PCDHAC2: variants seen among roughly 807,000 people sequenced by gnomAD.
PCDHAC2 encodes the protein protocadherin alpha-C2.
In PCDHAC2, 24 loss-of-function variants were observed where a neutral mutation model predicts 63.3. That is an observed-to-expected ratio of 0.38 (90% CI 0.27 to 0.53). PCDHAC2 has a LOEUF of 0.53. PCDHAC2 is among the 20% of genes least tolerant of loss of function. The pLI is 0.81. For synonymous variants in PCDHAC2, 569 were observed against 529.4 expected (o/e 1.07, Z -1.03); for missense variants, 1,181 against 1,275.2 (o/e 0.93, Z 1.12).
Position 141,011,486 on chromosome 5 carries a change from T to C in PCDHAC2, c.*1549T>C, listed in dbSNP as rs887081256. ...GAATGTAATTCCATTATATTTCCTT[T>C]TGTACACCTGTGAAAAAGTGGAGTA... is the stretch of plus-strand genomic sequence containing the variant. On this transcript the variant is annotated 3_prime_UTR_variant, in exon 4 of 4. Coordinates refer to ENST00000289269, the MANE Select transcript of PCDHAC2 (RefSeq NM_018899.6). 15 of 153,928 alleles carry C rather than the reference T, an allele frequency of 9.7e-5. No homozygotes were observed. Among genetic ancestry groups the C allele is most frequent in the African/African-American group, 2.9e-4 (12 of 41,596 alleles). The allele number at this position is 153,928 out of a possible 1,614,324, so 9.5% of individuals were successfully genotyped here.
chr5:140,971,698 A>G (rs969936167), intron 1 of PCDHAC2, among the ~76,000 whole-genome samples: 16 of 151,980 alleles, frequency 1.1e-4, no homozygotes, highest in Non-Finnish European at 2.2e-4. Context: ...CTCACTAACC[A>G]CCCTGCTATA....
In PCDHAC2 at chr5:140,967,001, A is replaced by T. The variant is rs1048933252; in HGVS notation, c.235A>T (p.Ile79Phe). The T allele has an allele frequency of 3.1e-6, 5 of 1,605,060 alleles. No homozygotes were observed. The South Asian group carries it at 5.5e-5, about 18-fold the overall frequency. ...LRRLGPGCLRINHLGAPSPRY... is the reference protein window; with the variant it reads ...LRRLGPGCLRFNHLGAPSPRY... The stretch of plus-strand genomic sequence containing the variant: ...GCGCTTGGGGCCGGGTTGCTTGCGC[A>T]TCAACCATCTGGGTGCGCCCAGTCC... The change falls in exon 1 of 4, where the codon ATC becomes TTC. Residue 79 changes from isoleucine to phenylalanine, a missense_variant. Physicochemically the swap from Ile to Phe is conservative, Grantham distance 21 (BLOSUM62 0). Around this residue, in one of 3 missense-constraint regions of PCDHAC2, gnomAD observed 210 missense variants for 184.9 expected, o/e 1.14. Transcript: ENST00000289269.
intron 3 of PCDHAC2, among the ~76,000 whole-genome samples, chr5:141,002,059 G>T (rs983772482): frequency 6.6e-6 from 1 of 152,242 alleles, no homozygotes; most frequent in East Asian, 1.9e-4. Flanking sequence ...AGAGGCAGCA[G>T]CAGCCGCCAG....
At chr5:140,980,728 A>T (rs1268236317) in intron 2 of PCDHAC2, among the ~76,000 whole-genome samples, 1 of 152,168 alleles carries the variant, frequency 6.6e-6, no homozygotes, top group African/African-American at 2.4e-5. Context: ...TTCAATTAAG[A>T]TATTATGAGA....
At chr5:140,989,140 C>A (rs2153881117) in intron 3 of PCDHAC2, among the ~76,000 whole-genome samples, 1 of 152,290 alleles carries the variant, frequency 6.6e-6, no homozygotes, top group East Asian at 1.9e-4. Context: ...CACTTTATCC[C>A]TTCTTTTGTT....
At chr5:140,976,724 T>C (rs372662527) in intron 1 of PCDHAC2, among the ~76,000 whole-genome samples, 6 of 152,202 alleles carry the variant, frequency 3.9e-5, no homozygotes, top group African/African-American at 1.4e-4. Flanking sequence ...AGTTCATTTA[T>C]TTAAACACAT....
rs782699904 is a variant in PCDHAC2 at position 140,969,414 on chromosome 5, G to A, written c.2565+83G>A. The A allele has an allele frequency of 6.4e-6, 10 of 1,566,012 alleles. No homozygotes were observed. The Admixed American group carries it at 1.3e-4, about 21-fold the overall frequency. On this transcript the variant is annotated intron_variant, in intron 1 of 3. Coordinates refer to ENST00000289269, the MANE Select transcript of PCDHAC2 (RefSeq NM_018899.6). ...ATATCCTGTGATTTGGCTTTATTGA[G>A]TCATTAACAGTGACAAGAGTTATCT...
intron 3 of PCDHAC2, among the ~76,000 whole-genome samples, chr5:140,984,589 T>C (rs2097109638): frequency 6.6e-6 from 1 of 152,186 alleles, no homozygotes; most frequent in Non-Finnish European, 1.5e-5. Flanking sequence ...ATCATACTTT[T>C]CAATACATAC....
chr5:140,982,487 A>G lies in PCDHAC2; in HGVS notation c.2637A>G (p.Leu879=), dbSNP rs1417892860. 3 of 1,614,078 alleles carry G rather than the reference A, an allele frequency of 1.9e-6. No homozygotes were observed. Among genetic ancestry groups the G allele is most frequent in the Non-Finnish European group, 2.5e-6 (3 of 1,180,034 alleles). Residue 879 remains leucine (L), a synonymous_variant, in exon 3 of 4, where the codon CTA becomes CTG. Coordinates refer to ENST00000289269, the MANE Select transcript of PCDHAC2 (RefSeq NM_018899.6). ...TGTGTTTATTCAGCTCTGTGCACCTAGAGGAGGCTGGCATTCTACGGGCTG... is the reference window on the plus strand; with the variant it reads ...TGTGTTTATTCAGCTCTGTGCACCTGGAGGAGGCTGGCATTCTACGGGCTG... The part of the protein sequence containing the change: ...LRAGMHSSVH[L]EEAGILRAGP...
chr5:141,006,505 G>A (rs2098276412), intron 3 of PCDHAC2, among the ~76,000 whole-genome samples: 2 of 152,020 alleles, frequency 1.3e-5, no homozygotes, highest in African/African-American at 4.8e-5. Flanking sequence ...GAGCCACCGC[G>A]CCTGGCTGTT....
chr5:141,000,395 C>CTCTATAAA (rs1213762225), intron 3 of PCDHAC2, among the ~76,000 whole-genome samples: 2 of 53,986 alleles, frequency 3.7e-5, no homozygotes, highest in African/African-American at 1.5e-4. Context: ...CTCTCTCTCT[C>CTCTATAAA]TATATATATA....
At position 140,967,080 on chromosome 5, in the gene PCDHAC2, T is replaced by C. The variant is rs781942171; in HGVS notation, c.314T>C (p.Ile105Thr). The change falls in exon 1 of 4, where the codon ATT becomes ACT. Residue 105 changes from isoleucine to threonine, a missense_variant. Physicochemically the swap from Ile to Thr is moderately conservative, Grantham distance 89. Around this residue, in one of 3 missense-constraint regions of PCDHAC2, gnomAD observed 210 missense variants for 184.9 expected, o/e 1.14. Transcript: ENST00000289269. Reference protein sequence around the residue: ...TSGALFVNERIDREALCEQRP... With the variant: ...TSGALFVNERTDREALCEQRP... The stretch of plus-strand genomic sequence containing the variant: ...GGAGCGCTCTTCGTCAACGAGCGCA[T>C]TGATCGGGAGGCGCTGTGTGAGCAG... 168 of 1,613,222 alleles carry C rather than the reference T, an allele frequency of 1.0e-4. No homozygotes were observed. The highest frequency in any genetic ancestry group is 3.7e-4 in the Admixed American group (22 of 60,010).
chr5:140,969,863 C>A (rs1305470999), intron 1 of PCDHAC2, among the ~76,000 whole-genome samples: 1 of 152,156 alleles, frequency 6.6e-6, no homozygotes, highest in Non-Finnish European at 1.5e-5. Context: ...CTGGTACTTG[C>A]ACTGAACCTA....
chr5:140,999,480 A>G, intron 3 of PCDHAC2, among the ~76,000 whole-genome samples: 1 of 152,176 alleles, frequency 6.6e-6, no homozygotes, highest in East Asian at 1.9e-4. Flanking sequence ...ATTCCAACTC[A>G]AGTCTATGTT....
At chr5:140,974,724 C>T (rs893225073) in intron 1 of PCDHAC2, among the ~76,000 whole-genome samples, 11 of 152,168 alleles carry the variant, frequency 7.2e-5, no homozygotes, top group Admixed American at 2.6e-4. Flanking sequence ...TGCTCTCGAA[C>T]TCCTGTCTCC....
intron 3 of PCDHAC2, among the ~76,000 whole-genome samples, chr5:141,000,387 CTCTCTCTCTATATATATATA>C (rs1348939997): frequency 1.5e-5 from 1 of 66,898 alleles, no homozygotes; most frequent in Non-Finnish European, 2.8e-5. Context: ...CTCTCTCTCT[CTCTCTCTCTATATATATATA>C]TATATATATA....
At chr5:140,984,964 G>A (rs930753325) in intron 3 of PCDHAC2, among the ~76,000 whole-genome samples, 1 of 151,936 alleles carries the variant, frequency 6.6e-6, no homozygotes. Context: ...TTGAGACAGA[G>A]TCTCGCTCTG....
chr5:140,972,893 A>T (rs1452751778), intron 1 of PCDHAC2, among the ~76,000 whole-genome samples: 1 of 151,858 alleles, frequency 6.6e-6, no homozygotes, highest in African/African-American at 2.4e-5. Context: ...CGATCTCTTG[A>T]CCTTGTGATC....
In PCDHAC2 at chr5:141,009,796, T is replaced by C; in HGVS notation, c.2883T>C (p.Thr961=). The C allele has an allele frequency of 6.2e-7, 1 of 1,614,046 alleles. No individual in the cohort carries two copies. The highest frequency in any genetic ancestry group is 8.5e-7 in the Non-Finnish European group (1 of 1,180,016). Residue 961 remains threonine (T), a synonymous_variant, in exon 4 of 4, where the codon ACT becomes ACC. Coordinates refer to ENST00000289269, the MANE Select transcript of PCDHAC2 (RefSeq NM_018899.6). ...PAIISIRQEP[T]NSQIDKSDFI... ...TCATCTCCATCCGGCAGGAGCCTACTAACAGCCAAATTGACAAAAGTGACT... is the reference window on the plus strand; with the variant it reads ...TCATCTCCATCCGGCAGGAGCCTACCAACAGCCAAATTGACAAAAGTGACT...
Sources: gnomAD v4.1 joint callset for allele counts (sites outside exome capture counted in the v4.1 genomes callset) on GRCh38, gnomAD v4.1.1 for gene constraint, gnomAD v4.1.1 regional missense constraint, MANE v1.5 for transcripts, NCBI Gene and HGNC (gene_info 2026-07-23, HGNC 2026-07-21) for gene names.